ATXN10: variants seen among roughly 807,000 people sequenced by gnomAD.
ATXN10 encodes the protein ataxin 10.
A neutral mutation model predicts 52.9 loss-of-function variants in ATXN10; 28 were observed. That is an observed-to-expected ratio of 0.53 (90% CI 0.39 to 0.73). ATXN10 has a LOEUF of 0.73. Among genes scored for constraint, ATXN10 ranks in the 30% least tolerant of loss-of-function variants. The probability of loss-of-function intolerance (pLI) is 0.00; values close to 1 mark genes in which losing one functional copy is unlikely to be tolerated. For missense variants in ATXN10, 565 were observed against 577.0 expected (o/e 0.98, Z 0.21); for synonymous variants, 226 against 221.5 (o/e 1.02, Z -0.18).
At chr22:45,758,483 T>G (rs992014926) in intron 9 of ATXN10, among the ~76,000 whole-genome samples, 1 of 152,248 alleles carries the variant, frequency 6.6e-6, no homozygotes, top group South Asian at 2.1e-4. Context: ...ATTCAAATTA[T>G]TGGTCATCAG....
In ATXN10 at chr22:45,718,406, T is replaced by A; in HGVS notation, c.648-7T>A. ...GTAACCAAACTTTCCTCCTCTTTTT[T>A]CCCTAGGTTCTTGATTATTACAGAC... On this transcript the variant is annotated splice_polypyrimidine_tract_variant and splice_region_variant and intron_variant, in intron 5 of 11. Coordinates refer to ENST00000252934, the MANE Select transcript of ATXN10 (RefSeq NM_013236.4). The surrounding 1 kb of genome is among the most constrained non-coding windows in gnomAD (Gnocchi z 4.4). The A allele has an allele frequency of 6.2e-7, 1 of 1,611,086 alleles. No homozygotes were observed.
Position 45,772,019 on chromosome 22 carries a change from A to G in ATXN10, c.1173+31481A>G, listed in dbSNP as rs1242911427. Among the ~76,000 whole-genome samples, 1 of 152,226 alleles carries G rather than the reference A, an allele frequency of 6.6e-6. No homozygotes were observed. On this transcript the variant is annotated intron_variant, in intron 9 of 11. Coordinates refer to ENST00000252934, the MANE Select transcript of ATXN10 (RefSeq NM_013236.4). This position sits in a 1 kb window ranked among gnomAD's most constrained non-coding sequence, Gnocchi z 4.1. ...GTGATCCACAGTATTTTCTTTAGTC[A>G]GTAGCCCACATTTTCATTCTCTTAG...
chr22:45,695,586 C>T (rs527274222), intron 3 of ATXN10, among the ~76,000 whole-genome samples: 12 of 151,610 alleles, frequency 7.9e-5, no homozygotes, highest in African/African-American at 1.5e-4. Context: ...GCCTTCCCGC[C>T]GGGTTCAAGC....
At position 45,712,263 on chromosome 22, in the gene ATXN10, C is replaced by G. The variant is rs1924279114; in HGVS notation, c.648-6150C>G. Among the ~76,000 whole-genome samples the G allele has an allele frequency of 6.6e-6, 1 of 152,054 alleles. No individual in the cohort carries two copies. The highest frequency in any genetic ancestry group is 1.5e-5 in the Non-Finnish European group (1 of 68,002). ...GCTCATTCTTGAAGGAAAAAGAATT[C>G]TTGTTATCCAAGGAAGGAAAAAAGG... On this transcript the variant is annotated intron_variant, in intron 5 of 11. Coordinates refer to ENST00000252934, the MANE Select transcript of ATXN10 (RefSeq NM_013236.4). This position sits in a 1 kb window ranked among gnomAD's most constrained non-coding sequence, Gnocchi z 4.6.
chr22:45,826,785 A>G lies in ATXN10; in HGVS notation c.1238-16206A>G, dbSNP rs1221021259. Among the ~76,000 whole-genome samples, 3 of 152,222 alleles carry G rather than the reference A, an allele frequency of 2.0e-5. No individual in the cohort carries two copies. Among genetic ancestry groups the G allele is most frequent in the African/African-American group, 7.2e-5 (3 of 41,456 alleles). On this transcript the variant is annotated intron_variant, in intron 10 of 11. Coordinates refer to ENST00000252934, the MANE Select transcript of ATXN10 (RefSeq NM_013236.4). The surrounding 1 kb of genome is among the most constrained non-coding windows in gnomAD (Gnocchi z 5.0). ...TAGACCTGCCTTGTAAGAAATGCTC[A>G]AGGTAATCCTGCAGGATGAAATGAG...
intron 10 of ATXN10, among the ~76,000 whole-genome samples, chr22:45,821,115 A>C (rs1326221088): frequency 6.6e-6 from 1 of 152,210 alleles, no homozygotes; most frequent in African/African-American, 2.4e-5. Context: ...TGAAGATAGG[A>C]AAAGCCTGTA....
chr22:45,791,898 G>A (rs1446714860), intron 9 of ATXN10, among the ~76,000 whole-genome samples: 1 of 152,096 alleles, frequency 6.6e-6, no homozygotes, highest in Non-Finnish European at 1.5e-5. Flanking sequence ...TCGCTTGAGA[G>A]CTATTTGCGT....
In ATXN10 at chr22:45,672,232, C is replaced by T. The variant is rs1038818545; in HGVS notation, c.116+53C>T. 1.3e-5 allele frequency: 19 copies of T among 1,433,466 alleles called. No homozygotes were observed. In the African/African-American group the frequency reaches 2.7e-4, roughly 20 times the overall value. The allele number at this position is 1,433,466 out of a possible 1,614,324, so 88.8% of individuals were successfully genotyped here. A position where few individuals can be genotyped will look rare whatever the true frequency, so the allele number is the denominator to read the frequency against. On this transcript the variant is annotated intron_variant, in intron 1 of 11. Coordinates refer to ENST00000252934, the MANE Select transcript of ATXN10 (RefSeq NM_013236.4). Reference sequence around the variant, plus strand: ...CGGGCAGGGGAGGGCGGCCGGGACTCCCGCGGCGGCCCCGGCCTGGACCCA... The same window carrying T: ...CGGGCAGGGGAGGGCGGCCGGGACTTCCGCGGCGGCCCCGGCCTGGACCCA...
At chr22:45,765,183 G>A (rs1277719445) in intron 9 of ATXN10, among the ~76,000 whole-genome samples, 6 of 152,084 alleles carry the variant, frequency 3.9e-5, no homozygotes. Context: ...AGTCCTAGAA[G>A]CCACTTCTTC....
intron 7 of ATXN10, among the ~76,000 whole-genome samples, chr22:45,736,828 T>C (rs1296993397): frequency 1.3e-5 from 2 of 152,216 alleles, no homozygotes; most frequent in Non-Finnish European, 2.9e-5. Flanking sequence ...GTCTCTGTGA[T>C]ATTAGCAGTC....
intron 10 of ATXN10, among the ~76,000 whole-genome samples, chr22:45,827,585 C>G (rs1928857026): frequency 6.6e-6 from 1 of 152,112 alleles, no homozygotes; most frequent in Admixed American, 6.5e-5. Flanking sequence ...AGTTTCAATA[C>G]AGTAAGAAGA....
At chr22:45,791,983 T>G (rs1353028872) in intron 9 of ATXN10, among the ~76,000 whole-genome samples, 1 of 152,190 alleles carries the variant, frequency 6.6e-6, no homozygotes, top group Non-Finnish European at 1.5e-5. Context: ...TTTTTCTTAT[T>G]TTCTTCCCAG....
Position 45,781,981 on chromosome 22 carries a change from A to C in ATXN10, c.1174-24978A>C, listed in dbSNP as rs868367314. Among the ~76,000 whole-genome samples the C allele has an allele frequency of 1.3e-5, 2 of 152,256 alleles. No individual in the cohort carries two copies. The highest frequency in any genetic ancestry group is 2.4e-5 in the African/African-American group (1 of 41,464). On this transcript the variant is annotated intron_variant, in intron 9 of 11. Transcript: ENST00000252934. The surrounding 1 kb of genome is among the most constrained non-coding windows in gnomAD (Gnocchi z 4.2). ...TAACCAAGCTTCAGGGATATGTGGG[A>C]CTTTAATAAAAGGCCGAAAAAGTAT... is the stretch of plus-strand genomic sequence containing the variant.
intron 10 of ATXN10, among the ~76,000 whole-genome samples, chr22:45,832,334 T>C (rs1208006345): frequency 6.6e-6 from 1 of 152,222 alleles, no homozygotes; most frequent in Non-Finnish European, 1.5e-5. Context: ...TCAGTGTTCC[T>C]CCATGTGGAG....
In ATXN10 at chr22:45,789,091, C is replaced by T. The variant is rs1927418782; in HGVS notation, c.1174-17868C>T. The stretch of plus-strand genomic sequence containing the variant: ...TGACAGTAAGGATGGAAAGTCACTG[C>T]TCTGTATCAGTGCTTCTTCAGACTG... On this transcript the variant is annotated intron_variant, in intron 9 of 11. Coordinates refer to ENST00000252934, the MANE Select transcript of ATXN10 (RefSeq NM_013236.4). This position sits in a 1 kb window ranked among gnomAD's most constrained non-coding sequence, Gnocchi z 4.0. 1.3e-5 allele frequency among the ~76,000 whole-genome samples: 2 copies of T among 152,288 alleles called. No homozygotes were observed. The highest frequency in any genetic ancestry group is 4.1e-4 in the South Asian group (2 of 4,822).
Position 45,681,699 on chromosome 22 carries a change from T to G in ATXN10, c.117-8013T>G, listed in dbSNP as rs995302939. Among the ~76,000 whole-genome samples the G allele has an allele frequency of 3.9e-5, 6 of 152,312 alleles. No homozygotes were observed. In the East Asian group the frequency reaches 5.8e-4, roughly 15 times the overall value. Reference sequence around the variant, plus strand: ...AAAAACATACAGCCGTGCAGACTGCTCTCACTTTAACTTGCTGATCACTAA... The same window carrying G: ...AAAAACATACAGCCGTGCAGACTGCGCTCACTTTAACTTGCTGATCACTAA... On this transcript the variant is annotated intron_variant, in intron 1 of 11. Coordinates refer to ENST00000252934, the MANE Select transcript of ATXN10 (RefSeq NM_013236.4). The surrounding 1 kb of genome is among the most constrained non-coding windows in gnomAD (Gnocchi z 4.2).
intron 7 of ATXN10, among the ~76,000 whole-genome samples, chr22:45,735,996 T>C (rs1925281583): frequency 6.6e-6 from 1 of 152,162 alleles, no homozygotes; most frequent in South Asian, 2.1e-4. Flanking sequence ...CTTAATAAAA[T>C]GATTTTAATG....
At chr22:45,808,474 G>A (rs920866920) in intron 10 of ATXN10, among the ~76,000 whole-genome samples, 3 of 152,190 alleles carry the variant, frequency 2.0e-5, no homozygotes, top group African/African-American at 4.8e-5. Context: ...ACAGATGCTC[G>A]CAGCACCTTC....
rs1383463733 is a variant in ATXN10 at position 45,843,537 on chromosome 22, A to G, written c.1426-132A>G. 10 of 811,280 alleles carry G rather than the reference A, an allele frequency of 1.2e-5. No individual in the cohort carries two copies. Among genetic ancestry groups the G allele is most frequent in the Non-Finnish European group, 2.1e-5 (10 of 474,278 alleles). The allele number at this position is 811,280 out of a possible 1,614,324, so 50.3% of individuals were successfully genotyped here. A position where few individuals can be genotyped will look rare whatever the true frequency, so the allele number is the denominator to read the frequency against. ...AACAGAACTCCTTGAATAATATTGC[A>G]TGAATTGTTTTAGGTTTCTCTAAGT... On this transcript the variant is annotated intron_variant, in intron 11 of 11. Transcript: ENST00000252934. This position sits in a 1 kb window ranked among gnomAD's most constrained non-coding sequence, Gnocchi z 4.5.
Sources: allele counts gnomAD v4.1 joint callset (sites outside exome capture counted in the v4.1 genomes callset), GRCh38; gene constraint gnomAD v4.1.1; non-coding constraint Gnocchi (gnomAD v3.1); transcripts MANE v1.5; gene names NCBI Gene and HGNC (gene_info 2026-07-23, HGNC 2026-07-21).